Variants in FHOD3 observed in about 807,000 individuals in gnomAD.
The protein encoded by FHOD3 is formin homology 2 domain containing 3.
A neutral mutation model predicts 173.0 loss-of-function variants in FHOD3; 90 were observed. That is an observed-to-expected ratio of 0.52 (90% CI 0.44 to 0.62). FHOD3 has a LOEUF of 0.62. FHOD3 is among the 20% of genes least tolerant of loss of function. The probability of loss-of-function intolerance (pLI) is 0.00; values close to 1 mark genes in which losing one functional copy is unlikely to be tolerated. For missense variants in FHOD3, 1,945 were observed against 2,034.7 expected, an observed-to-expected ratio of 0.96 and a Z score of 0.85; for synonymous variants, 828 against 823.0, an observed-to-expected ratio of 1.01 and a Z score of -0.10.
chr18:36,744,194 G>C lies in FHOD3; in HGVS notation c.4041+1G>C. The C allele has an allele frequency of 6.2e-7, 1 of 1,611,898 alleles. No individual in the cohort carries two copies. ...CGGGGCCATCACCAGGTCAGCCAAG[G>C]TATGTCTGTGGACGCTGAGGAGTGG... On this transcript the variant is annotated splice_donor_variant, in intron 23 of 28. Coordinates refer to ENST00000590592, the MANE Select transcript of FHOD3 (RefSeq NM_001281740.3). LOFTEE classifies it high-confidence loss of function.
At chr18:36,704,495 TTG>T (rs775277626) in intron 17 of FHOD3, among the ~76,000 whole-genome samples, 184 of 152,214 alleles carry the variant, frequency 1.2e-3, no homozygotes, top group Non-Finnish European at 2.2e-3. Flanking sequence ...AATCAGATCT[TTG>T]TGTCCTTCCT....
chr18:36,499,915 C>T (rs904028738), intron 3 of FHOD3, among the ~76,000 whole-genome samples: 4 of 152,144 alleles, frequency 2.6e-5, no homozygotes, highest in African/African-American at 7.2e-5. Flanking sequence ...GTGGTAGATT[C>T]CATAGTGGTC....
At chr18:36,360,933 G>T (rs1405781075) in intron 2 of FHOD3, among the ~76,000 whole-genome samples, 3 of 152,194 alleles carry the variant, frequency 2.0e-5, no homozygotes, top group Non-Finnish European at 2.9e-5. Context: ...TCACAGAATA[G>T]ATTTTGAACA....
chr18:36,676,460 G>A (rs1280873690), intron 14 of FHOD3, among the ~76,000 whole-genome samples: 1 of 152,126 alleles, frequency 6.6e-6, no homozygotes, highest in Non-Finnish European at 1.5e-5. Flanking sequence ...CCACTAGCAA[G>A]CAATAAAAAC....
Position 36,612,025 on chromosome 18 carries a change from C to G in FHOD3, c.887C>G (p.Ala296Gly). 6.2e-7 allele frequency: 1 copy of G among 1,614,174 alleles called. No homozygotes were observed. The highest frequency in any genetic ancestry group is 1.3e-5 in the African/African-American group (1 of 75,040). The change falls in exon 9 of 29, where the codon GCT (alanine) becomes GGT (glycine). Residue 296 changes from alanine to glycine, a missense_variant. Around this residue, in one of 5 missense-constraint regions of FHOD3, gnomAD observed 1,099 missense variants for 1,051.2 expected, o/e 1.05. Transcript: ENST00000590592. ...TGCCTGGAGGAGCTGGGCATTGCTG[C>G]TGTGTCCCAGAGGCACTTGAACAAG... Reference protein sequence around the residue: ...VDCLEELGIAAVSQRHLNKKG... With the variant: ...VDCLEELGIAGVSQRHLNKKG...
chr18:36,443,716 GA>G (rs1331801820), intron 3 of FHOD3, among the ~76,000 whole-genome samples: 1 of 152,112 alleles, frequency 6.6e-6, no homozygotes, highest in East Asian at 1.9e-4. Context: ...TGAGATCACG[GA>G]GCTAGGAAAT....
In FHOD3 at chr18:36,625,494, G is replaced by A. The variant is rs201171704; in HGVS notation, c.958-17G>A. ...TGCCAAGCCTGACCTTGCACTGGGC[G>A]TGCTCTGCTTTTCCAGGTGGCGCTC... On this transcript the variant is annotated splice_polypyrimidine_tract_variant and intron_variant, in intron 9 of 28. Transcript: ENST00000590592. 63 of 1,405,376 alleles carry A rather than the reference G, an allele frequency of 4.5e-5. No individual in the cohort carries two copies. The highest frequency in any genetic ancestry group is 1.5e-4 in the South Asian group (9 of 59,632). The allele number at this position is 1,405,376 out of a possible 1,614,324, so 87.1% of individuals were successfully genotyped here.
At chr18:36,335,522 C>A (rs1703095760) in intron 1 of FHOD3, among the ~76,000 whole-genome samples, 1 of 151,466 alleles carries the variant, frequency 6.6e-6, no homozygotes, top group Non-Finnish European at 1.5e-5. Context: ...TAAAAAAAAT[C>A]TCATAATGTT....
intron 3 of FHOD3, among the ~76,000 whole-genome samples, chr18:36,454,214 G>GCACACA (rs137890720): frequency 6.6e-6 from 1 of 150,432 alleles, no homozygotes; most frequent in African/African-American, 2.4e-5. Flanking sequence ...TGGAGAGCTG[G>GCACACA]CACACACACA....
At chr18:36,426,464 G>A (rs1212390857) in intron 3 of FHOD3, among the ~76,000 whole-genome samples, 5 of 152,186 alleles carry the variant, frequency 3.3e-5, no homozygotes, top group Admixed American at 2.0e-4. Flanking sequence ...GGAGTTGTCA[G>A]TGGAAAATCA....
chr18:36,434,003 C>T lies in FHOD3; in HGVS notation c.337+61259C>T, dbSNP rs552482214. On this transcript the variant is annotated intron_variant, in intron 3 of 28. Transcript: ENST00000590592. The stretch of plus-strand genomic sequence containing the variant: ...TACCCCTTCTCAATCACTCTAGGCC[C>T]TCTCCGCTCCCCACCTGTAGCTTCC... Among the ~76,000 whole-genome samples, 3 of 152,302 alleles carry T rather than the reference C, an allele frequency of 2.0e-5. No individual in the cohort carries two copies. In the East Asian group the frequency reaches 5.8e-4, roughly 29 times the overall value.
chr18:36,560,893 A>C (rs1355618750), intron 5 of FHOD3, among the ~76,000 whole-genome samples: 1 of 150,854 alleles, frequency 6.6e-6, no homozygotes, highest in East Asian at 1.9e-4. Flanking sequence ...ATAGTGTATA[A>C]AGCAGTGTTT....
intron 11 of FHOD3, among the ~76,000 whole-genome samples, chr18:36,650,831 C>G (rs2035999409): frequency 6.6e-6 from 1 of 152,210 alleles, no homozygotes; most frequent in African/African-American, 2.4e-5. Context: ...TGTGCTGTCT[C>G]TACCTAGGAT....
chr18:36,502,005 T>C lies in FHOD3; in HGVS notation c.405+6T>C. 1.3e-6 allele frequency: 2 copies of C among 1,594,306 alleles called. 1 individual carries two copies. ...CCCTGAAGCAGATATTTCAGGTAAA[T>C]AGGAAAAAAATAAGTACTTACCTGT... On this transcript the variant is annotated splice_donor_region_variant and intron_variant, in intron 4 of 28. Coordinates refer to ENST00000590592, the MANE Select transcript of FHOD3 (RefSeq NM_001281740.3).
intron 1 of FHOD3, among the ~76,000 whole-genome samples, chr18:36,329,291 C>T (rs949497086): frequency 2.0e-5 from 3 of 152,132 alleles, no homozygotes; most frequent in Non-Finnish European, 4.4e-5. Flanking sequence ...TTGTACCAGT[C>T]CGCCCAACGA....
intron 17 of FHOD3, among the ~76,000 whole-genome samples, chr18:36,697,461 G>A (rs1271170775): frequency 1.3e-5 from 2 of 152,140 alleles, no homozygotes; most frequent in Non-Finnish European, 2.9e-5. Context: ...ATTTTATTAT[G>A]AGCTTGATAC....
intron 3 of FHOD3, among the ~76,000 whole-genome samples, chr18:36,392,509 GA>G (rs1163205807): frequency 6.6e-6 from 1 of 152,106 alleles, no homozygotes; most frequent in East Asian, 1.9e-4. Flanking sequence ...GGCCAAAGCT[GA>G]ACTGTGTCTG....
intron 3 of FHOD3, among the ~76,000 whole-genome samples, chr18:36,394,768 T>C (rs2048471572): frequency 6.6e-6 from 1 of 152,198 alleles, no homozygotes; most frequent in Admixed American, 6.5e-5. Flanking sequence ...TTGTTGTCGT[T>C]AATAGAAAAC....
intron 5 of FHOD3, among the ~76,000 whole-genome samples, chr18:36,569,867 G>A (rs951764165): frequency 6.6e-6 from 1 of 152,048 alleles, no homozygotes; most frequent in African/African-American, 2.4e-5. Context: ...CAAACGTTTT[G>A]TACTAAATGA....
Sources: allele counts gnomAD v4.1 joint callset (sites outside exome capture counted in the v4.1 genomes callset), GRCh38; gene constraint gnomAD v4.1.1; regional missense constraint gnomAD v4.1.1; transcripts MANE v1.5; gene names NCBI Gene and HGNC (gene_info 2026-07-23, HGNC 2026-07-21).